TBXAS1: variants seen among roughly 807,000 people sequenced by gnomAD.
TBXAS1 encodes the protein thromboxane A synthase 1, also known as thromboxane-A synthase.
In TBXAS1, 48 loss-of-function variants were observed where a neutral mutation model predicts 60.7. The ratio of observed to expected loss-of-function variants is 0.79; its 90% CI spans 0.63 to 1.01. The LOEUF (loss-of-function observed/expected upper bound fraction) is 1.01, where lower values mean the gene tolerates loss of function less well. Among genes scored for constraint, TBXAS1 ranks in the 50% least tolerant of loss-of-function variants. TBXAS1 has a pLI of 0.00. For synonymous variants in TBXAS1, 287 were observed against 269.7 expected (o/e 1.06, Z -0.63); for missense variants, 685 against 686.3 (o/e 1.00, Z 0.02).
chr7:139,869,707 C>A (rs921310733), intron 1 of TBXAS1, among the ~76,000 whole-genome samples: 1 of 152,108 alleles, frequency 6.6e-6, no homozygotes, highest in African/African-American at 2.4e-5. Flanking sequence ...TTCATCTTAA[C>A]TAATTACATT....
At chr7:139,941,726 T>C (rs537633154) in intron 5 of TBXAS1, among the ~76,000 whole-genome samples, 1 of 152,346 alleles carries the variant, frequency 6.6e-6, no homozygotes, top group South Asian at 2.1e-4. Context: ...TAGATTTAGA[T>C]TTTCACAGTC....
In TBXAS1 at chr7:139,896,683, C is replaced by T. The variant is rs1252495034; in HGVS notation, c.237-14542C>T. On this transcript the variant is annotated intron_variant, in intron 3 of 12. Transcript: ENST00000448866. The surrounding 1 kb of genome is among the most constrained non-coding windows in gnomAD (Gnocchi z 4.0). Reference sequence around the variant, plus strand: ...TGAACTTATCTACTTAGAAATGAGACTGTGGGGTTCTTCTTTTGGCCTGGG... The same window carrying T: ...TGAACTTATCTACTTAGAAATGAGATTGTGGGGTTCTTCTTTTGGCCTGGG... 2.0e-5 allele frequency among the ~76,000 whole-genome samples: 3 copies of T among 152,126 alleles called. No homozygotes were observed. The highest frequency in any genetic ancestry group is 1.5e-5 in the Non-Finnish European group (1 of 68,020).
chr7:139,861,421 T>A lies in TBXAS1; in HGVS notation c.90-10814T>A, dbSNP rs1193680717. Among the ~76,000 whole-genome samples the A allele has an allele frequency of 1.1e-4, 5 of 44,784 alleles. No homozygotes were observed. The Admixed American group carries it at 1.3e-3, about 11-fold the overall frequency. The allele number at this position is 44,784 out of a possible 152,430, so 29.4% of individuals were successfully genotyped here. On this transcript the variant is annotated intron_variant, in intron 1 of 12. Transcript: ENST00000448866. ...GCTAATTTTTTTTTCTTTTTAGAATTTTTTTTTTTTTTTTTTGGATCTCAC... is the reference window on the plus strand; with the variant it reads ...GCTAATTTTTTTTTCTTTTTAGAATATTTTTTTTTTTTTTTTGGATCTCAC...
chr7:139,864,625 C>T (rs1584710212), intron 1 of TBXAS1, among the ~76,000 whole-genome samples: 1 of 150,034 alleles, frequency 6.7e-6, no homozygotes, highest in Non-Finnish European at 1.5e-5. Context: ...GAGAAAAAAA[C>T]AAAGAGTGTG....
intron 9 of TBXAS1, 29 bp from the exon 10 acceptor site, chr7:140,007,062 T>G (rs201647484): frequency 7.8e-5 from 125 of 1,601,646 alleles, no homozygotes; most frequent in Non-Finnish European, 1.0e-4. Context: ...TAACACGAAC[T>G]TCTCCCTTTG....
intron 1 of TBXAS1, among the ~76,000 whole-genome samples, chr7:139,841,094 T>C (rs1799411439): frequency 6.6e-6 from 1 of 152,212 alleles, no homozygotes. Context: ...CCAGCAGTAG[T>C]TCCTAGGTGT....
At chr7:139,834,316 T>C (rs536855639) in intron 1 of TBXAS1, among the ~76,000 whole-genome samples, 1 of 152,192 alleles carries the variant, frequency 6.6e-6, no homozygotes, top group Non-Finnish European at 1.5e-5. Flanking sequence ...GCTAAGGCAG[T>C]GCTAAGAGGA....
chr7:139,965,513 C>CA (rs1254757944), intron 9 of TBXAS1, among the ~76,000 whole-genome samples: 1 of 152,104 alleles, frequency 6.6e-6, no homozygotes, highest in African/African-American at 2.4e-5. Flanking sequence ...TGGCTCACAG[C>CA]AAACTCCGCC....
intron 7 of TBXAS1, among the ~76,000 whole-genome samples, chr7:139,957,053 C>T (rs934851588): frequency 3.9e-5 from 6 of 152,166 alleles, no homozygotes; most frequent in Non-Finnish European, 7.4e-5. Context: ...TCTGGCAGCC[C>T]GATCCCCAGC....
intron 1 of TBXAS1, among the ~76,000 whole-genome samples, chr7:139,853,632 G>T (rs958988629): frequency 6.6e-6 from 1 of 151,114 alleles, no homozygotes; most frequent in Non-Finnish European, 1.5e-5. Flanking sequence ...TCCAGAGGCA[G>T]GGGCAGCCCC....
intron 4 of TBXAS1, among the ~76,000 whole-genome samples, chr7:139,802,911 A>G (rs1433751285): frequency 1.3e-5 from 2 of 152,234 alleles, no homozygotes; most frequent in Admixed American, 6.5e-5. Context: ...GCCCTCTGCC[A>G]TGATTGTGAT....
chr7:139,905,021 TTC>T (rs773116961), intron 3 of TBXAS1, among the ~76,000 whole-genome samples: 2 of 76,302 alleles, frequency 2.6e-5, no homozygotes, highest in South Asian at 5.0e-4. Flanking sequence ...CTTTCTTTCT[TTC>T]TTTCTTTCTT....
intron 11 of TBXAS1, 38 bp from the exon 12 acceptor site, chr7:140,017,633 G>C (rs756336279): frequency 6.2e-7 from 1 of 1,609,772 alleles, no homozygotes; most frequent in Non-Finnish European, 8.5e-7. Flanking sequence ...GGGAGGGAGC[G>C]GGTGTTCTGG....
chr7:139,870,594 G>T (rs573349307), intron 1 of TBXAS1, among the ~76,000 whole-genome samples: 4 of 152,214 alleles, frequency 2.6e-5, no homozygotes, highest in Non-Finnish European at 5.9e-5. Context: ...AGGAGTGTTG[G>T]TATGACTAAT....
intron 7 of TBXAS1, among the ~76,000 whole-genome samples, chr7:139,957,341 G>C (rs963305150): frequency 6.6e-6 from 1 of 152,202 alleles, no homozygotes; most frequent in African/African-American, 2.4e-5. Flanking sequence ...CCCAGGACCT[G>C]AAACATTAAT....
chr7:139,794,378 G>A (rs954899103), intron 4 of TBXAS1, among the ~76,000 whole-genome samples: 15 of 152,128 alleles, frequency 9.9e-5, no homozygotes. Context: ...GGTATTACAG[G>A]CATCAGCCAC....
At chr7:139,815,175 A>G (rs1378541676) in intron 4 of TBXAS1, among the ~76,000 whole-genome samples, 2 of 152,262 alleles carry the variant, frequency 1.3e-5, no homozygotes, top group African/African-American at 4.8e-5. Flanking sequence ...GTTTGAGACT[A>G]AAACTCTGGC....
chr7:139,950,686 TCGCCCTCCATCTACGGGACC>T (rs1809152082), intron 5 of TBXAS1, among the ~76,000 whole-genome samples: 13 of 149,956 alleles, frequency 8.7e-5, no homozygotes, highest in Non-Finnish European at 1.6e-4. Context: ...CGGGACCCCC[TCGCCCTCCATCTACGGGACC>T]CCCTCGCCCT....
At chr7:139,927,607 A>G (rs895134427) in intron 4 of TBXAS1, among the ~76,000 whole-genome samples, 3 of 152,182 alleles carry the variant, frequency 2.0e-5, no homozygotes, top group African/African-American at 4.8e-5. Context: ...TAAGTTTTGA[A>G]GAATTGACAT....
Sources: allele counts gnomAD v4.1 joint callset (sites outside exome capture counted in the v4.1 genomes callset), GRCh38; gene constraint gnomAD v4.1.1; non-coding constraint Gnocchi (gnomAD v3.1); transcripts MANE v1.5; gene names NCBI Gene and HGNC (gene_info 2026-07-23, HGNC 2026-07-21).